F8: variants seen among roughly 807,000 people sequenced by gnomAD.
F8 encodes the protein coagulation factor VIII, also known as antihemophilic factor.
In F8, 12 loss-of-function variants were observed where a neutral mutation model predicts 140.6. That is an observed-to-expected ratio of 0.09 (90% CI 0.05 to 0.14). The LOEUF is 0.14. F8 is among the 10% of genes least tolerant of loss of function. The pLI is 1.00. For missense variants in F8, 1,354 were observed against 1,720.7 expected (o/e 0.79, Z 3.77); for synonymous variants, 585 against 614.6 (o/e 0.95, Z 0.71).
chrX:154,970,707 T>C (rs1430761069), intron 6 of F8, among the ~76,000 whole-genome samples: 1 of 111,552 alleles, frequency 9.0e-6, no homozygotes, highest in Non-Finnish European at 1.9e-5. Context: ...TCATCTCACA[T>C]TGCCTCATTT....
chrX:154,944,378 A>C (rs782026346), intron 13 of F8, among the ~76,000 whole-genome samples: 5 of 110,530 alleles, frequency 4.5e-5, no homozygotes, highest in Non-Finnish European at 7.6e-5. Flanking sequence ...CAGACACTTC[A>C]CAAAAGAAGA....
At chrX:155,007,180 C>A (rs1557286118) in intron 1 of F8, among the ~76,000 whole-genome samples, 1 of 112,424 alleles carries the variant, frequency 8.9e-6, no homozygotes, top group Non-Finnish European at 1.9e-5. Context: ...TGAGTGGACA[C>A]AAACTAGAAA....
At chrX:154,841,168 T>C (rs1166867989) in intron 25 of F8, among the ~76,000 whole-genome samples, 1 of 109,963 alleles carries the variant, frequency 9.1e-6, no homozygotes, top group African/African-American at 3.3e-5. Flanking sequence ...AATTCACTTT[T>C]GTTTTTATAG....
chrX:154,957,167 T>C lies in F8; in HGVS notation c.1542A>G (p.Val514=). Residue 514 remains valine (V), a synonymous_variant, in exon 11 of 26, where the codon GTA becomes GTG. Transcript: ENST00000360256. ...PLYSRRLPKG[V]KHLKDFPILP... Reference sequence around the variant, plus strand: ...GAATTGGAAAATCCTTCAAATGTTTTACACCTACCCACAAGCAAAACCATA... The same window carrying C: ...GAATTGGAAAATCCTTCAAATGTTTCACACCTACCCACAAGCAAAACCATA... The C allele has an allele frequency of 8.3e-7, 1 of 1,198,992 alleles. No homozygotes were observed.
Position 154,929,962 on chromosome X carries a change from T to C in F8, c.3828A>G (p.Ser1276=), listed in dbSNP as rs2073184400. 8.3e-7 allele frequency: 1 copy of C among 1,211,475 alleles called. No individual in the cohort carries two copies. Among genetic ancestry groups the C allele is most frequent in the Non-Finnish European group, 1.1e-6 (1 of 895,368 alleles). ...VLQDFRSLND[S]TNRTKKHTAH... ...CTGTGTGTTTCTTTGTTCTATTTGT[T>C]GAATCATTTAATGACCTAAAATCTT... Residue 1276 remains serine, a synonymous_variant, in exon 14 of 26, where the codon TCA becomes TCG. Transcript: ENST00000360256.
intron 14 of F8, among the ~76,000 whole-genome samples, chrX:154,915,937 T>A (rs1490943756): frequency 8.9e-6 from 1 of 112,248 alleles, no homozygotes; most frequent in Non-Finnish European, 1.9e-5. Flanking sequence ...ATGTTAGCTG[T>A]GGGCTTGTCA....
intron 14 of F8, among the ~76,000 whole-genome samples, chrX:154,914,244 C>A (rs2073083352): frequency 8.9e-6 from 1 of 112,800 alleles, no homozygotes; most frequent in South Asian, 3.7e-4. Flanking sequence ...TGGACCCAGG[C>A]CACGAAAGCA....
intron 25 of F8, among the ~76,000 whole-genome samples, chrX:154,841,370 TTG>T (rs2148557453): frequency 9.1e-6 from 1 of 109,315 alleles, no homozygotes; most frequent in Admixed American, 9.8e-5. Flanking sequence ...TAATTTAAAA[TTG>T]TGTGTGTATG....
At chrX:154,874,592 C>T (rs1280959818) in intron 22 of F8, among the ~76,000 whole-genome samples, 1 of 112,248 alleles carries the variant, frequency 8.9e-6, no homozygotes, top group Non-Finnish European at 1.9e-5. Context: ...ATCTCCCATT[C>T]GGCCCTACCT....
intron 13 of F8, among the ~76,000 whole-genome samples, chrX:154,942,950 T>G (rs1324323492): frequency 8.2e-5 from 9 of 109,168 alleles, no homozygotes; most frequent in Non-Finnish European, 1.5e-4. Context: ...AGAAAAGGCC[T>G]TTGACAAAAT....
intron 13 of F8, among the ~76,000 whole-genome samples, chrX:154,947,316 CAAACCA>C (rs2073311866): frequency 9.4e-6 from 1 of 106,368 alleles, no homozygotes; most frequent in African/African-American, 3.4e-5. Flanking sequence ...CAGAGAAATG[CAAACCA>C]AAAGCACAAT....
chrX:155,007,540 A>G (rs1404711828), intron 1 of F8, among the ~76,000 whole-genome samples: 1 of 112,077 alleles, frequency 8.9e-6, no homozygotes, highest in Non-Finnish European at 1.9e-5. Flanking sequence ...ATGGGGTCAC[A>G]TAGCAGGAAG....
intron 9 of F8, 54 bp downstream of exon 9, chrX:154,965,916 A>C: frequency 3.4e-6 from 4 of 1,161,648 alleles, no homozygotes; most frequent in Non-Finnish European, 4.7e-6. Flanking sequence ...TAGAAACTCA[A>C]AACTCTCCAG....
intron 1 of F8, among the ~76,000 whole-genome samples, chrX:155,016,100 G>T (rs2073732773): frequency 9.0e-6 from 1 of 111,258 alleles, no homozygotes; most frequent in Admixed American, 9.6e-5. Flanking sequence ...AGCTGGGCAC[G>T]GTGGCGTGTG....
chrX:155,013,145 C>CAAAAAAAAAA (rs34940593), intron 1 of F8, among the ~76,000 whole-genome samples: 2 of 34,034 alleles, frequency 5.9e-5, no homozygotes, highest in African/African-American at 1.2e-4. Context: ...GACTCCGTCT[C>CAAAAAAAAAA]AAAAAAAAAA....
rs377747078 is a variant in F8, at chrX:154,946,418, T to C, written c.2113+1280A>G. Among the ~76,000 whole-genome samples the C allele has an allele frequency of 9.0e-5, 10 of 111,465 alleles. No homozygotes were observed. In the East Asian group the frequency reaches 1.7e-3, roughly 19 times the overall value. ...ACACGACAGAAAACCCAGAAATAAATCCACACATTTATAGCCAACTCACCT... is the reference window on the plus strand; with the variant it reads ...ACACGACAGAAAACCCAGAAATAAACCCACACATTTATAGCCAACTCACCT... On this transcript the variant is annotated intron_variant, in intron 13 of 25. Coordinates refer to ENST00000360256, the MANE Select transcript of F8 (RefSeq NM_000132.4).
At chrX:154,907,033 TAACATTGCC>T (rs1471721157) in intron 14 of F8, among the ~76,000 whole-genome samples, 1 of 111,960 alleles carries the variant, frequency 8.9e-6, no homozygotes, top group African/African-American at 3.2e-5. Context: ...CCCAGATCAG[TAACATTGCC>T]AACAACCCAC....
At chrX:154,935,853 T>A (rs2073221409) in intron 13 of F8, among the ~76,000 whole-genome samples, 1 of 110,898 alleles carries the variant, frequency 9.0e-6, no homozygotes, top group African/African-American at 3.3e-5. Context: ...AACAGTATAA[T>A]ATATGTAAAT....
chrX:154,956,036 C>G (rs1341048619), intron 11 of F8, among the ~76,000 whole-genome samples: 2 of 111,644 alleles, frequency 1.8e-5, no homozygotes, highest in African/African-American at 6.5e-5. Flanking sequence ...TTAGAGGCCT[C>G]CCCCTGGGAA....
Sources: gnomAD v4.1 joint callset for allele counts (sites outside exome capture counted in the v4.1 genomes callset) on GRCh38, gnomAD v4.1.1 for gene constraint, MANE v1.5 for transcripts, NCBI Gene and HGNC (gene_info 2026-07-23, HGNC 2026-07-21) for gene names.